Variants in SLC6A11 observed in about 807,000 individuals in gnomAD.
SLC6A11 encodes the protein solute carrier family 6 member 11, also known as sodium- and chloride-dependent GABA transporter 3.
In SLC6A11, 25 loss-of-function variants were observed where a neutral mutation model predicts 74.8. The observed-to-expected ratio is 0.33, with a 90% confidence interval of 0.24 to 0.47. SLC6A11 has a LOEUF of 0.47. Among genes scored for constraint, SLC6A11 ranks in the 20% least tolerant of loss-of-function variants. The pLI is 1.00. For synonymous variants in SLC6A11, 330 were observed against 330.2 expected (o/e 1.00, Z 0.01); for missense variants, 574 against 837.0 (o/e 0.69, Z 3.88).
At chr3:10,861,500 G>A (rs1018170513) in intron 5 of SLC6A11, among the ~76,000 whole-genome samples, 3 of 152,128 alleles carry the variant, frequency 2.0e-5, no homozygotes, top group Admixed American at 2.0e-4. Flanking sequence ...CTGGGCAATA[G>A]AGTGAGACCC....
At chr3:10,826,185 T>G (rs900954716) in intron 4 of SLC6A11, among the ~76,000 whole-genome samples, 3 of 152,250 alleles carry the variant, frequency 2.0e-5, no homozygotes, top group African/African-American at 7.2e-5. Flanking sequence ...TTAAATTGCC[T>G]TATAGAGTAG....
intron 1 of SLC6A11, among the ~76,000 whole-genome samples, chr3:10,818,396 G>A (rs1306274789): frequency 1.3e-5 from 2 of 152,026 alleles, no homozygotes; most frequent in African/African-American, 2.4e-5. Context: ...AATGTAGTTG[G>A]GATATCTGCT....
At chr3:10,861,975 G>C (rs1335705477) in intron 5 of SLC6A11, among the ~76,000 whole-genome samples, 4 of 152,198 alleles carry the variant, frequency 2.6e-5, no homozygotes, top group Non-Finnish European at 4.4e-5. Flanking sequence ...GATGCTTGCA[G>C]GAACAAGGCA....
At chr3:10,823,129 C>G (rs138527392) in intron 3 of SLC6A11, among the ~76,000 whole-genome samples, 173 bp from the exon 4 acceptor site, 348 of 152,250 alleles carry the variant, frequency 2.3e-3, no homozygotes, top group African/African-American at 8.0e-3. Context: ...CTAATCAGTC[C>G]AAGCCTCTTA....
Position 10,816,312 on chromosome 3 carries a change from A to T in SLC6A11, c.47A>T (p.Glu16Val). 1 of 1,409,046 alleles carries T rather than the reference A, an allele frequency of 7.1e-7. No homozygotes were observed. The highest frequency in any genetic ancestry group is 9.2e-7 in the Non-Finnish European group (1 of 1,084,120). The allele number at this position is 1,409,046 out of a possible 1,614,324, so 87.3% of individuals were successfully genotyped here. A position where few individuals can be genotyped will look rare whatever the true frequency, so the allele number is the denominator to read the frequency against. Residue 16 changes from glutamate to valine, a missense_variant, in exon 1 of 14, where the codon GAG becomes GTG. By Grantham distance (121) the Glu-to-Val change is moderately radical. This residue lies in a region of SLC6A11 where 86 missense variants were observed against 87.4 expected (regional missense o/e 0.98). Coordinates refer to ENST00000254488, the MANE Select transcript of SLC6A11 (RefSeq NM_014229.3). The surrounding 1 kb of genome is among the most constrained non-coding windows in gnomAD (Gnocchi z 4.2). ...CCCCTGGGCAATGGGAAGGCTGCTG[A>T]GGAGGCGCGGGAGTCCGAGGCGCCG... is the stretch of plus-strand genomic sequence containing the variant. Reference protein sequence around the residue: ...ALPLGNGKAAEEARESEAPGG... With the variant: ...ALPLGNGKAAVEARESEAPGG...
chr3:10,912,343 A>G (rs1695398456), intron 7 of SLC6A11, 150 bp downstream of exon 7: 2 of 627,648 alleles, frequency 3.2e-6, no homozygotes, highest in South Asian at 3.8e-5. Context: ...CGAAGGGTCA[A>G]AGAGTGGGCC....
intron 5 of SLC6A11, among the ~76,000 whole-genome samples, chr3:10,857,916 G>A (rs114621540): frequency 1.3e-3 from 205 of 152,262 alleles, no homozygotes; most frequent in Non-Finnish European, 1.9e-3. Flanking sequence ...GTAAATGCTC[G>A]AGCACACAAG....
chr3:10,897,601 A>G (rs974856454), intron 6 of SLC6A11, among the ~76,000 whole-genome samples: 1 of 152,222 alleles, frequency 6.6e-6, no homozygotes, highest in African/African-American at 2.4e-5. Flanking sequence ...CTAATCCAAG[A>G]GGTGAATTCC....
At position 10,938,394 on chromosome 3, in the gene SLC6A11, C is replaced by T. The variant is rs1695783747; in HGVS notation, c.1891C>T (p.His631Tyr). 2.5e-6 allele frequency: 4 copies of T among 1,594,674 alleles called. No individual in the cohort carries two copies. In the African/African-American group the frequency reaches 4.0e-5, roughly 16 times the overall value. Residue 631 changes from histidine (H) to tyrosine (Y), a missense_variant, in exon 14 of 14, where the codon CAC (histidine) becomes TAC (tyrosine). Physicochemically the swap from His to Tyr is moderately conservative, Grantham distance 83 (BLOSUM62 2). Transcript: ENST00000254488. Reference sequence around the variant, plus strand: ...CGCAGCCATCACAGAGAAGGAGACGCACTTCTGAGCGGCCACCAGCCATCT... The same window carrying T: ...CGCAGCCATCACAGAGAAGGAGACGTACTTCTGAGCGGCCACCAGCCATCT... ...TIAAITEKET[H>Y]F
At chr3:10,832,244 G>A (rs191058248) in intron 4 of SLC6A11, among the ~76,000 whole-genome samples, 1 of 152,258 alleles carries the variant, frequency 6.6e-6, no homozygotes, top group African/African-American at 2.4e-5. Context: ...CCCACCAGCT[G>A]CCCCACAGAG....
chr3:10,861,086 A>G (rs904937008), intron 5 of SLC6A11, among the ~76,000 whole-genome samples: 1 of 152,244 alleles, frequency 6.6e-6, no homozygotes, highest in Non-Finnish European at 1.5e-5. Context: ...CAGTTTGGAA[A>G]TCTGTAGAGA....
At chr3:10,919,509 T>A (rs1695507519) in intron 8 of SLC6A11, among the ~76,000 whole-genome samples, 1 of 152,090 alleles carries the variant, frequency 6.6e-6, no homozygotes, top group African/African-American at 2.4e-5. Context: ...GCTATTTAGG[T>A]TTGGCATGTG....
intron 6 of SLC6A11, among the ~76,000 whole-genome samples, chr3:10,894,085 C>G (rs1452444426): frequency 6.6e-6 from 1 of 152,164 alleles, no homozygotes; most frequent in Non-Finnish European, 1.5e-5. Flanking sequence ...CTGCCATCTC[C>G]CATTAGTCCA....
chr3:10,929,081 G>A, intron 9 of SLC6A11, 121 bp from the exon 10 acceptor site: 1 of 993,126 alleles, frequency 1.0e-6, no homozygotes, highest in Non-Finnish European at 1.5e-6. Flanking sequence ...CCCCTCGTCT[G>A]CATTAATGGG....
chr3:10,933,299 A>C (rs1695715549), intron 11 of SLC6A11, 46 bp downstream of exon 11: 1 of 1,352,230 alleles, frequency 7.4e-7, no homozygotes, highest in African/African-American at 1.4e-5. Flanking sequence ...CCCACCAGGT[A>C]CCCAGGATCC....
intron 1 of SLC6A11, among the ~76,000 whole-genome samples, chr3:10,817,136 G>A (rs1694074099): frequency 6.6e-6 from 1 of 152,198 alleles, no homozygotes. Flanking sequence ...TTTTAGGCGA[G>A]GCATTGCTCT....
chr3:10,831,688 G>A (rs2106578139), intron 4 of SLC6A11, among the ~76,000 whole-genome samples: 1 of 152,264 alleles, frequency 6.6e-6, no homozygotes, highest in Non-Finnish European at 1.5e-5. Context: ...ATTAAAACTA[G>A]GAACATGATT....
At chr3:10,884,828 T>A (rs73812311) in intron 6 of SLC6A11, among the ~76,000 whole-genome samples, 1 of 152,208 alleles carries the variant, frequency 6.6e-6, no homozygotes, top group African/African-American at 2.4e-5. Flanking sequence ...ACCTCTACTT[T>A]GGGACAACGT....
intron 10 of SLC6A11, among the ~76,000 whole-genome samples, chr3:10,931,074 A>T (rs187710875): frequency 6.6e-6 from 1 of 152,158 alleles, no homozygotes; most frequent in Non-Finnish European, 1.5e-5. Flanking sequence ...ATAGGCCACA[A>T]ACTTCTTTTC....
Sources: allele counts gnomAD v4.1 joint callset (sites outside exome capture counted in the v4.1 genomes callset), GRCh38; gene constraint gnomAD v4.1.1; regional missense constraint gnomAD v4.1.1; non-coding constraint Gnocchi (gnomAD v3.1); transcripts MANE v1.5; gene names NCBI Gene and HGNC (gene_info 2026-07-23, HGNC 2026-07-21).